Variants in SGCZ observed in about 807,000 individuals in gnomAD.
The protein encoded by SGCZ is zeta-sarcoglycan.
SGCZ carries 40 observed loss-of-function variants against 41.3 expected under a neutral mutation model. The observed-to-expected ratio is 0.97, with a 90% CI of 0.75 to 1.26. The LOEUF (loss-of-function observed/expected upper bound fraction) is 1.26. SGCZ is among the 50% of genes most tolerant of loss of function. The probability of loss-of-function intolerance (pLI) is 0.00; values close to 1 mark genes in which losing one functional copy is unlikely to be tolerated. For missense variants in SGCZ, 552 were observed against 369.8 expected (o/e 1.49, Z -4.04); for synonymous variants, 206 against 137.5 (o/e 1.50, Z -3.49).
intron 1 of SGCZ, among the ~76,000 whole-genome samples, chr8:14,565,785 A>G (rs932151168): frequency 6.6e-6 from 1 of 152,130 alleles, no homozygotes; most frequent in Admixed American, 6.5e-5. Flanking sequence ...CAAGGTAATG[A>G]GAAAAAAGAT....
rs7015829 is a variant in SGCZ at position 15,016,335 on chromosome 8, C to T, written c.39+221250G>A. ...TAATGGATCTTGATCTAACAGAATA[C>T]ACAGCAGATGCTAAGCCACATGGCC... On this transcript the variant is annotated intron_variant, in intron 1 of 7. Coordinates refer to ENST00000382080, the MANE Select transcript of SGCZ (RefSeq NM_139167.4). 1.5e-4 allele frequency among the ~76,000 whole-genome samples: 23 copies of T among 152,112 alleles called. No homozygotes were observed. The East Asian group carries it at 4.3e-3, about 28-fold the overall frequency.
chr8:14,744,171 T>A (rs2244607), intron 1 of SGCZ, among the ~76,000 whole-genome samples: 62,999 of 151,964 alleles, frequency 0.41, 14,497 homozygotes, highest in Non-Finnish European at 0.52. Context: ...ATAGGGAGCA[T>A]AAAGAAAATG....
intron 2 of SGCZ, among the ~76,000 whole-genome samples, chr8:14,501,489 T>C (rs983178345): frequency 1.3e-5 from 2 of 152,104 alleles, no homozygotes; most frequent in East Asian, 1.9e-4. Flanking sequence ...CATATAAATG[T>C]ATTTTAGCTC....
intron 1 of SGCZ, among the ~76,000 whole-genome samples, chr8:14,812,822 T>C (rs550414258): frequency 6.6e-6 from 1 of 152,212 alleles, no homozygotes; most frequent in East Asian, 1.9e-4. Flanking sequence ...GCTTCCACAA[T>C]TATCAAGCAT....
rs533892911 is a variant in SGCZ at position 15,191,410 on chromosome 8, G to A, written c.39+46175C>T. Among the ~76,000 whole-genome samples the A allele has an allele frequency of 3.2e-4, 48 of 152,074 alleles. No individual in the cohort carries two copies. In the South Asian group the frequency reaches 3.9e-3, roughly 12 times the overall value. The stretch of plus-strand genomic sequence containing the variant: ...ATATTTGACCAAGTTGAATGTCACC[G>A]CTTAAGGGATTTATACTGAACTATA... On this transcript the variant is annotated intron_variant, in intron 1 of 7. Coordinates refer to ENST00000382080, the MANE Select transcript of SGCZ (RefSeq NM_139167.4).
chr8:14,928,441 G>A (rs147518080), intron 1 of SGCZ, among the ~76,000 whole-genome samples: 9 of 152,176 alleles, frequency 5.9e-5, no homozygotes, highest in Non-Finnish European at 1.0e-4. Context: ...ACTATAAAAC[G>A]CGATGACAAT....
chr8:15,004,971 T>C (rs1802551947), intron 1 of SGCZ, among the ~76,000 whole-genome samples: 1 of 152,198 alleles, frequency 6.6e-6, no homozygotes, highest in African/African-American at 2.4e-5. Context: ...GCATGTATTT[T>C]TCTAAATATT....
intron 1 of SGCZ, among the ~76,000 whole-genome samples, chr8:14,663,818 G>T (rs1563187517): frequency 1.3e-5 from 2 of 152,054 alleles, no homozygotes; most frequent in African/African-American, 4.8e-5. Context: ...TCAATTTTAT[G>T]TTCTCCTTTA....
chr8:15,099,083 C>A (rs75125425), intron 1 of SGCZ, among the ~76,000 whole-genome samples: 1 of 152,012 alleles, frequency 6.6e-6, no homozygotes, highest in African/African-American at 2.4e-5. Context: ...CAACAAAAAA[C>A]AGTAGTGCCT....
intron 1 of SGCZ, among the ~76,000 whole-genome samples, chr8:14,811,516 A>ATTT (rs1291833711): frequency 8.4e-4 from 38 of 45,082 alleles, no homozygotes; most frequent in East Asian, 1.7e-3. Context: ...AAGACACTGC[A>ATTT]TCTTTTTTTT....
At chr8:14,598,814 G>A (rs1282247560) in intron 1 of SGCZ, among the ~76,000 whole-genome samples, 1 of 151,968 alleles carries the variant, frequency 6.6e-6, no homozygotes, top group African/African-American at 2.4e-5. Flanking sequence ...CAGGTATGAG[G>A]CAGTGTACCA....
At chr8:14,527,171 C>A (rs909329620) in intron 2 of SGCZ, among the ~76,000 whole-genome samples, 3 of 152,078 alleles carry the variant, frequency 2.0e-5, no homozygotes, top group African/African-American at 7.2e-5. Flanking sequence ...CTATGCAAAT[C>A]AGACTAGAAA....
intron 3 of SGCZ, among the ~76,000 whole-genome samples, chr8:14,321,027 C>T (rs766969965): frequency 6.6e-6 from 1 of 151,982 alleles, no homozygotes; most frequent in Non-Finnish European, 1.5e-5. Context: ...GTCCTAAATT[C>T]CCGATATTTG....
At chr8:15,083,362 A>G (rs369638658) in intron 1 of SGCZ, among the ~76,000 whole-genome samples, 1 of 152,332 alleles carries the variant, frequency 6.6e-6, no homozygotes, top group East Asian at 1.9e-4. Flanking sequence ...TTCAACACAT[A>G]TAATTCATAT....
chr8:14,952,905 G>A (rs780475932), intron 1 of SGCZ, among the ~76,000 whole-genome samples: 1 of 152,128 alleles, frequency 6.6e-6, no homozygotes, highest in Non-Finnish European at 1.5e-5. Context: ...AGAAAACAGA[G>A]GCACTTGGAT....
chr8:14,216,029 C>T lies in SGCZ; in HGVS notation c.424+21563G>A, dbSNP rs1389688536. On this transcript the variant is annotated intron_variant, in intron 4 of 7. Coordinates refer to ENST00000382080, the MANE Select transcript of SGCZ (RefSeq NM_139167.4). Reference sequence around the variant, plus strand: ...GCTGCAGCCTCAACAAACCCGCCCTCCAGGCATTTATTCAGCACAGATTTA... The same window carrying T: ...GCTGCAGCCTCAACAAACCCGCCCTTCAGGCATTTATTCAGCACAGATTTA... Among the ~76,000 whole-genome samples, 4 of 152,208 alleles carry T rather than the reference C, an allele frequency of 2.6e-5. No individual in the cohort carries two copies. In the East Asian group the frequency reaches 7.7e-4, roughly 29 times the overall value.
intron 1 of SGCZ, among the ~76,000 whole-genome samples, chr8:15,030,114 T>C (rs1803604493): frequency 6.6e-6 from 1 of 152,150 alleles, no homozygotes; most frequent in Non-Finnish European, 1.5e-5. Context: ...ATAGTGGTTC[T>C]TGCAATAGCA....
At chr8:14,095,305 G>T (rs1440748887) in intron 7 of SGCZ, among the ~76,000 whole-genome samples, 1 of 152,134 alleles carries the variant, frequency 6.6e-6, no homozygotes, top group Non-Finnish European at 1.5e-5. Flanking sequence ...TTCATATAAG[G>T]TGTAAGGAAG....
chr8:14,127,916 T>C (rs1251475071), intron 5 of SGCZ, among the ~76,000 whole-genome samples: 2 of 152,130 alleles, frequency 1.3e-5, no homozygotes, highest in African/African-American at 4.8e-5. Context: ...TGCTCCCTCC[T>C]CCCAACCTCC....
Sources: gnomAD v4.1 joint callset for allele counts (sites outside exome capture counted in the v4.1 genomes callset) on GRCh38, gnomAD v4.1.1 for gene constraint, MANE v1.5 for transcripts, NCBI Gene and HGNC (gene_info 2026-07-23, HGNC 2026-07-21) for gene names.